The following TRPM3 variants were observed in gnomAD, a reference collection of about 807,000 sequenced individuals.
TRPM3 encodes transient receptor potential cation channel subfamily M member 3, also known as long transient receptor potential channel 3.
TRPM3 carries 77 observed loss-of-function variants against 181.2 expected under a neutral mutation model. The ratio of observed to expected loss-of-function variants is 0.42; its 90% confidence interval spans 0.35 to 0.51. TRPM3 has a LOEUF of 0.51. Among genes scored for constraint, TRPM3 ranks in the 20% least tolerant of loss-of-function variants. The pLI is 0.01. For synonymous variants in TRPM3, 745 were observed against 796.4 expected, an observed-to-expected ratio of 0.94 and a Z score of 1.09; for missense variants, 1,759 against 2,196.7, an observed-to-expected ratio of 0.80 and a Z score of 3.98.
Position 70,531,774 on chromosome 9 carries a change from T to C in TRPM3, c.*4179A>G, listed in dbSNP as rs559349993. The C allele has an allele frequency of 6.6e-6, 1 of 152,296 alleles. No homozygotes were observed. The highest frequency in any genetic ancestry group is 1.9e-4 in the East Asian group (1 of 5,180). The allele number at this position is 152,296 out of a possible 1,614,324, so 9.4% of individuals were successfully genotyped here. ...TATAGTCTTTTGCATAACATGCCAG[T>C]TCATCTTTCACAAAATCACAACTTG... On this transcript the variant is annotated 3_prime_UTR_variant, in exon 26 of 26. Transcript: ENST00000677713.
chr9:70,629,373 T>C (rs568311814), intron 12 of TRPM3, among the ~76,000 whole-genome samples: 4 of 152,244 alleles, frequency 2.6e-5, no homozygotes, highest in Non-Finnish European at 5.9e-5. Context: ...TTCACTCTTG[T>C]CGCCCAGGCT....
chr9:71,216,265 A>G (rs1190358101), intron 1 of TRPM3, among the ~76,000 whole-genome samples: 1 of 152,138 alleles, frequency 6.6e-6, no homozygotes, highest in Non-Finnish European at 1.5e-5. Flanking sequence ...TTATTTGTGC[A>G]TATATTAGAA....
At chr9:71,436,018 G>A (rs898469949) in intron 1 of TRPM3, among the ~76,000 whole-genome samples, 2 of 152,164 alleles carry the variant, frequency 1.3e-5, no homozygotes, top group Non-Finnish European at 2.9e-5. Context: ...GTATCTCCCA[G>A]AATTCCCACA....
At chr9:70,894,378 A>G (rs2096253249) in intron 1 of TRPM3, among the ~76,000 whole-genome samples, 1 of 152,216 alleles carries the variant, frequency 6.6e-6, no homozygotes, top group African/African-American at 2.4e-5. Context: ...CCAAGGGACC[A>G]TCGGGCATTA....
chr9:70,784,595 A>T (rs147968505), intron 6 of TRPM3, among the ~76,000 whole-genome samples: 10 of 152,286 alleles, frequency 6.6e-5, no homozygotes, highest in Non-Finnish European at 1.3e-4. Flanking sequence ...TAGTCAACAG[A>T]CAAAGCACCA....
chr9:70,874,019 T>C (rs2095833526), intron 1 of TRPM3, among the ~76,000 whole-genome samples: 1 of 151,948 alleles, frequency 6.6e-6, no homozygotes, highest in Admixed American at 6.6e-5. Context: ...TTAAATCATA[T>C]ACACCTTAAC....
chr9:71,240,405 T>A (rs1338648105), intron 1 of TRPM3, among the ~76,000 whole-genome samples: 1 of 152,150 alleles, frequency 6.6e-6, no homozygotes, highest in African/African-American at 2.4e-5. Context: ...TTTACTAGAG[T>A]AAGCAATAAA....
chr9:71,221,435 T>C lies in TRPM3; in HGVS notation c.183+225218A>G, dbSNP rs1274539989. 3.3e-5 allele frequency among the ~76,000 whole-genome samples: 5 copies of C among 152,208 alleles called. No individual in the cohort carries two copies. The South Asian group carries it at 6.2e-4, about 19-fold the overall frequency. ...CAAATAAAAAATAATTTTAATATTT[T>C]AATCTAATATATCTAAAAGCATTAA... is the stretch of plus-strand genomic sequence containing the variant. On this transcript the variant is annotated intron_variant, in intron 1 of 24. Coordinates refer to the TRPM3 transcript ENST00000357533.
intron 16 of TRPM3, among the ~76,000 whole-genome samples, chr9:70,619,558 C>G (rs1037755854): frequency 6.6e-6 from 1 of 151,584 alleles, no homozygotes. Flanking sequence ...GGACTACAGG[C>G]GTGCACCATC....
chr9:71,382,107 TAG>T (rs1280684349), intron 1 of TRPM3, among the ~76,000 whole-genome samples: 2 of 152,198 alleles, frequency 1.3e-5, no homozygotes, highest in Non-Finnish European at 2.9e-5. Flanking sequence ...GCTTTAGTGT[TAG>T]ACTGTTTTGA....
At chr9:70,673,814 T>A (rs1405239126) in intron 9 of TRPM3, among the ~76,000 whole-genome samples, 1 of 151,686 alleles carries the variant, frequency 6.6e-6, no homozygotes, top group Non-Finnish European at 1.5e-5. Flanking sequence ...CTGGGCATGG[T>A]GGTGGGCACC....
intron 22 of TRPM3, among the ~76,000 whole-genome samples, chr9:70,567,939 C>G (rs1296415016): frequency 6.6e-6 from 1 of 151,968 alleles, no homozygotes; most frequent in South Asian, 2.1e-4. Context: ...CATACACACA[C>G]AGGAGAGAGA....
At chr9:71,025,987 G>C (rs1037099184) in intron 1 of TRPM3, among the ~76,000 whole-genome samples, 5 of 152,216 alleles carry the variant, frequency 3.3e-5, no homozygotes, top group Non-Finnish European at 5.9e-5. Flanking sequence ...GGAGCAACCT[G>C]CTCTTACCAT....
chr9:70,917,267 T>G, intron 1 of TRPM3: 1 of 1,488,112 alleles, frequency 6.7e-7, no homozygotes, highest in Non-Finnish European at 9.4e-7. Context: ...AAACACCAAT[T>G]CAGCATAGTC....
At chr9:71,072,809 T>A (rs1291845031) in intron 1 of TRPM3, among the ~76,000 whole-genome samples, 2 of 152,200 alleles carry the variant, frequency 1.3e-5, no homozygotes, top group Non-Finnish European at 2.9e-5. Flanking sequence ...CAAGGAATGC[T>A]GAGGGCAGTC....
Position 71,420,989 on chromosome 9 carries a change from G to GAGAGAGAAAAAGAGAGAGAAAA in TRPM3, c.183+25663_183+25664insTTTTCTCTCTCTTTTTCTCTCT, listed in dbSNP as rs1563912542. 5.8e-3 allele frequency among the ~76,000 whole-genome samples: 595 copies of GAGAGAGAAAAAGAGAGAGAAAA among 101,856 alleles called. 42 individuals are homozygous for GAGAGAGAAAAAGAGAGAGAAAA. The highest frequency in any genetic ancestry group is 0.011 in the East Asian group (39 of 3,404). The allele number at this position is 101,856 out of a possible 152,430, so 66.8% of individuals were successfully genotyped here. On this transcript the variant is annotated intron_variant, in intron 1 of 24. Coordinates refer to the TRPM3 transcript ENST00000357533. ...AGGGAGAGAAAAAGAGAGAGAAAAAGAGAGAGAAAAAGAGAGAAAAAGAGA... is the reference window on the plus strand; with the variant it reads ...AGGGAGAGAAAAAGAGAGAGAAAAAGAGAGAGAAAAAGAGAGAGAAAAAGAGAGAAAAAGAGAGAAAAAGAGA...
intron 1 of TRPM3, among the ~76,000 whole-genome samples, chr9:71,200,786 TACCTGAATACAGC>T (rs1384809376): frequency 6.6e-6 from 1 of 152,112 alleles, no homozygotes; most frequent in African/African-American, 2.4e-5. Context: ...TGAGATGGGT[TACCTGAATACAGC>T]ACACTGATGG....
intron 1 of TRPM3, among the ~76,000 whole-genome samples, chr9:71,014,242 C>T (rs1176130398): frequency 1.3e-5 from 2 of 151,946 alleles, no homozygotes; most frequent in South Asian, 2.1e-4. Flanking sequence ...ATTTCTTGTT[C>T]TATGAATTGT....
At position 70,992,293 on chromosome 9, in the gene TRPM3, T is replaced by C. The variant is rs2134135875; in HGVS notation, c.178-127782A>G. 2.0e-5 allele frequency among the ~76,000 whole-genome samples: 3 copies of C among 152,358 alleles called. 1 individual carries two copies. In the South Asian group the frequency reaches 6.2e-4, roughly 32 times the overall value. On this transcript the variant is annotated intron_variant, in intron 1 of 25. Coordinates refer to ENST00000677713, the MANE Select transcript of TRPM3 (RefSeq NM_001366145.2). The stretch of plus-strand genomic sequence containing the variant: ...TTCTAGTCAGTGTAGGGCTCTCTAC[T>C]GTGTAGGATGTGGGACTACCTAATT...
Sources: allele counts gnomAD v4.1 joint callset (sites outside exome capture counted in the v4.1 genomes callset), GRCh38; gene constraint gnomAD v4.1.1; transcripts MANE v1.5; gene names NCBI Gene and HGNC (gene_info 2026-07-23, HGNC 2026-07-21).